Variants in PCDHGB5 observed in about 807,000 individuals in gnomAD.
PCDHGB5 encodes the protein protocadherin gamma-B5.
Under a neutral mutation model 62.9 loss-of-function variants are expected in PCDHGB5, and 48 were observed. The observed-to-expected ratio is 0.76, with a 90% CI of 0.61 to 0.97. The LOEUF is 0.97. PCDHGB5 is among the 50% of genes least tolerant of loss of function. PCDHGB5 has a pLI of 0.00. For missense variants in PCDHGB5, 1,118 were observed against 1,198.6 expected, an observed-to-expected ratio of 0.93 and a Z score of 0.99; for synonymous variants, 474 against 511.2, an observed-to-expected ratio of 0.93 and a Z score of 0.98.
chr5:141,481,182 G>T (rs2099533183), intron 1 of PCDHGB5, among the ~76,000 whole-genome samples: 1 of 152,180 alleles, frequency 6.6e-6, no homozygotes, highest in Non-Finnish European at 1.5e-5. Flanking sequence ...AGCTTTATTG[G>T]GCCAGGCCCA....
At chr5:141,414,334 A>C in intron 1 of PCDHGB5, 1 of 1,613,782 alleles carries the variant, frequency 6.2e-7, no homozygotes, top group Non-Finnish European at 8.5e-7. Flanking sequence ...TGGACAGGTA[A>C]CCTGTTCCAT....
intron 1 of PCDHGB5, chr5:141,419,357 AC>A (rs1185938270): frequency 3.7e-6 from 6 of 1,613,814 alleles, no homozygotes; most frequent in Non-Finnish European, 4.2e-6. Context: ...GGAGTCACGA[AC>A]GCTGTCGTCC....
intron 1 of PCDHGB5, chr5:141,418,463 C>A (rs1046926260): frequency 1.2e-6 from 2 of 1,613,826 alleles, no homozygotes; most frequent in Non-Finnish European, 1.7e-6. Context: ...GACTCTGGAC[C>A]GAGAAACGCA....
At chr5:141,423,618 C>T (rs2096760725) in intron 1 of PCDHGB5, 2 of 1,608,284 alleles carry the variant, frequency 1.2e-6, no homozygotes, top group East Asian at 2.2e-5. Flanking sequence ...TAGCTGAAGA[C>T]TCAGCTATCA....
At chr5:141,413,177 T>G (rs2095610843) in intron 1 of PCDHGB5, 4 of 1,602,350 alleles carry the variant, frequency 2.5e-6, no homozygotes, top group Non-Finnish European at 3.4e-6. Flanking sequence ...CAGACTACAA[T>G]GGCCGCTCAA....
chr5:141,405,529 C>G, intron 1 of PCDHGB5: 1 of 654,350 alleles, frequency 1.5e-6, no homozygotes, highest in Middle Eastern at 4.2e-4. Flanking sequence ...AAGCGATTCT[C>G]CTGCCTCAGC....
intron 1 of PCDHGB5, among the ~76,000 whole-genome samples, chr5:141,401,889 T>G (rs1259815955): frequency 3.3e-5 from 5 of 152,232 alleles, no homozygotes; most frequent in Non-Finnish European, 7.3e-5. Context: ...TATTTTGTGT[T>G]CTTTTTCCCA....
intron 1 of PCDHGB5, among the ~76,000 whole-genome samples, chr5:141,459,249 A>G (rs901058693): frequency 6.6e-6 from 1 of 152,218 alleles, no homozygotes; most frequent in Non-Finnish European, 1.5e-5. Flanking sequence ...TCCTGTCACT[A>G]TAAATTAGTG....
In PCDHGB5 at chr5:141,399,309, C is replaced by CA. The variant is rs1033550021; in HGVS notation, c.1187dup (p.Asn396LysfsTer4). The CA allele has an allele frequency of 3.7e-6, 6 of 1,613,784 alleles. No individual in the cohort carries two copies. Among genetic ancestry groups the CA allele is most frequent in the African/African-American group, 1.3e-5 (1 of 74,906 alleles). On this transcript the variant is annotated frameshift_variant, in exon 1 of 4. Coordinates refer to ENST00000617380, the MANE Select transcript of PCDHGB5 (RefSeq NM_018925.3). LOFTEE classifies it high-confidence loss of function. ...TCCCTTTTAAGATTATCTCTTCATC[C>CA]AAAAATTCGTATAAGTTGGTAACAG...
chr5:141,422,204 G>A lies in PCDHGB5; in HGVS notation c.2397+21680G>A, dbSNP rs185669562. On this transcript the variant is annotated intron_variant, in intron 1 of 3. Transcript: ENST00000617380. Reference sequence around the variant, plus strand: ...ATGGAAATTCAAGGCCAAGATGGTGGAGGTCTCTTTACCACCACGACGATG... The same window carrying A: ...ATGGAAATTCAAGGCCAAGATGGTGAAGGTCTCTTTACCACCACGACGATG... The A allele has an allele frequency of 1.7e-4, 269 of 1,562,138 alleles. No individual in the cohort carries two copies. The African/African-American group carries it at 3.6e-3, about 21-fold the overall frequency.
At chr5:141,428,147 G>T (rs771536400) in intron 1 of PCDHGB5, 1 of 1,589,612 alleles carries the variant, frequency 6.3e-7, no homozygotes, top group South Asian at 1.1e-5. Flanking sequence ...GGCTGCACAC[G>T]GGAACCTGCT....
In PCDHGB5 at chr5:141,432,476, A is replaced by C; in HGVS notation, c.2397+31952A>C. 6.2e-7 allele frequency: 1 copy of C among 1,614,080 alleles called. No homozygotes were observed. The highest frequency in any genetic ancestry group is 8.5e-7 in the Non-Finnish European group (1 of 1,180,012). Reference sequence around the variant, plus strand: ...CCCCGCCCTCCCCACGGACGGTTCCACTGGCGTGGAGCTGGCTCCCCGCTC... The same window carrying C: ...CCCCGCCCTCCCCACGGACGGTTCCCCTGGCGTGGAGCTGGCTCCCCGCTC... On this transcript the variant is annotated intron_variant, in intron 1 of 3. Transcript: ENST00000617380. The surrounding 1 kb of genome is among the most constrained non-coding windows in gnomAD (Gnocchi z 6.0).
In PCDHGB5 at chr5:141,485,636, G is replaced by A. The variant is rs371040974; in HGVS notation, c.2398-9171G>A. The A allele has an allele frequency of 6.2e-7, 1 of 1,611,922 alleles. No homozygotes were observed. The highest frequency in any genetic ancestry group is 1.1e-5 in the South Asian group (1 of 90,964). On this transcript the variant is annotated intron_variant, in intron 1 of 3. Transcript: ENST00000617380. This position sits in a 1 kb window ranked among gnomAD's most constrained non-coding sequence, Gnocchi z 5.7. ...TCCTCCAGGACAGCGTTTCCCGTTG[G>A]AAAAGGCTCAGGATGCAGATGTGGG...
intron 1 of PCDHGB5, chr5:141,409,612 C>T: frequency 6.2e-7 from 1 of 1,613,908 alleles, no homozygotes; most frequent in Non-Finnish European, 8.5e-7. Flanking sequence ...CAGGAGCCTC[C>T]ATTGCGCAAG....
chr5:141,441,768 T>C, intron 1 of PCDHGB5: 1 of 387,074 alleles, frequency 2.6e-6, no homozygotes. Context: ...CCTGCGCGTG[T>C]TGGTGGACGA....
At chr5:141,415,828 G>A (rs1178303711) in intron 1 of PCDHGB5, 4 of 1,293,274 alleles carry the variant, frequency 3.1e-6, no homozygotes, top group Non-Finnish European at 3.0e-6. Flanking sequence ...ATAAGGCTTT[G>A]TTATGATTAG....
intron 1 of PCDHGB5, among the ~76,000 whole-genome samples, chr5:141,436,477 G>A (rs748354852): frequency 1.3e-5 from 2 of 152,168 alleles, no homozygotes; most frequent in Non-Finnish European, 2.9e-5. Context: ...ATGTATCATA[G>A]AAGGATAGCA....
chr5:141,460,938 A>G (rs532872249), intron 1 of PCDHGB5, among the ~76,000 whole-genome samples: 38 of 149,918 alleles, frequency 2.5e-4, no homozygotes, highest in African/African-American at 9.1e-4. Context: ...GTGTGTGTAT[A>G]TATATGTATT....
intron 1 of PCDHGB5, chr5:141,404,577 T>C (rs2094542300): frequency 6.2e-7 from 1 of 1,613,954 alleles, no homozygotes; most frequent in South Asian, 1.1e-5. Context: ...AGCCCACCAC[T>C]TAGCAGCAAT....
Sources: gnomAD v4.1 joint callset for allele counts (sites outside exome capture counted in the v4.1 genomes callset) on GRCh38, gnomAD v4.1.1 for gene constraint, Gnocchi (gnomAD v3.1) non-coding constraint, MANE v1.5 for transcripts, NCBI Gene and HGNC (gene_info 2026-07-23, HGNC 2026-07-21) for gene names.